The following WDR87 variants were observed in gnomAD, a reference collection of about 807,000 sequenced individuals.
The protein encoded by WDR87 is WD repeat-containing protein 87.
WDR87 carries 56 observed loss-of-function variants against 83.3 expected under a neutral mutation model. The observed-to-expected ratio is 0.67, with a 90% CI of 0.54 to 0.84. The LOEUF is 0.84. Ranked by LOEUF, WDR87 falls within the 40% of genes least tolerant of loss-of-function variation. WDR87 has a pLI of 0.00. For missense variants in WDR87, 2,939 were observed against 3,431.9 expected, an observed-to-expected ratio of 0.86 and a Z score of 3.59; for synonymous variants, 1,173 against 1,250.6, an observed-to-expected ratio of 0.94 and a Z score of 1.31.
intron 1 of WDR87, 150 bp from the exon 2 acceptor site, chr19:37,898,435 T>A: frequency 9.6e-7 from 1 of 1,038,648 alleles, no homozygotes; most frequent in Non-Finnish European, 1.3e-6. Flanking sequence ...TCATCCACTC[T>A]ACAGCCCAGT....
At position 37,889,807 on chromosome 19, in the gene WDR87, A is replaced by G. The variant is rs758370254; in HGVS notation, c.3864T>C (p.Leu1288=). 5.2e-6 allele frequency: 8 copies of G among 1,551,614 alleles called. No homozygotes were observed. The African/African-American group carries it at 8.2e-5, about 16-fold the overall frequency. ...GGGAACCAGATATCCTCAGGGCCATAAGACGACATAGATCGTCCCTCCATG... is the reference window on the plus strand; with the variant it reads ...GGGAACCAGATATCCTCAGGGCCATGAGACGACATAGATCGTCCCTCCATG... ...GSSWRDDLCR[L]MALRISGSQT... Residue 1288 remains leucine, a synonymous_variant, in exon 6 of 6, where the codon CTT becomes CTC. Transcript: ENST00000447313.
chr19:37,888,748 A>G lies in WDR87; in HGVS notation c.4923T>C (p.Leu1641=), dbSNP rs2046175146. Residue 1641 remains leucine (L), a synonymous_variant, in exon 6 of 6, where the codon CTT becomes CTC. Transcript: ENST00000447313. ...GGGCCAACTGTCTCTCTTCTTGTGC[A>G]AGTTTCTCTTCTTCTTGTGCTAATT... is the stretch of plus-strand genomic sequence containing the variant. ...ERKLAQEEEK[L]AQEERQLAQE... is the part of the protein sequence containing the mutation. 1.3e-6 allele frequency: 2 copies of G among 1,550,410 alleles called. No individual in the cohort carries two copies. The highest frequency in any genetic ancestry group is 2.8e-5 in the African/African-American group (2 of 72,480).
Position 37,893,700 on chromosome 19 carries a change from C to T in WDR87, c.2003G>A (p.Ser668Asn). 1 of 1,551,780 alleles carries T rather than the reference C, an allele frequency of 6.4e-7. No homozygotes were observed. The highest frequency in any genetic ancestry group is 8.7e-7 in the Non-Finnish European group (1 of 1,146,996). Reference protein sequence around the residue: ...RGDLLVTFNQSLYLVSCLKLL... With the variant: ...RGDLLVTFNQNLYLVSCLKLL... Reference sequence around the variant, plus strand: ...TTTTAAACAGGACACTAGGTAAAGACTCTGGTTAAAAGTCACAAGCAGGTC... The same window carrying T: ...TTTTAAACAGGACACTAGGTAAAGATTCTGGTTAAAAGTCACAAGCAGGTC... Residue 668 changes from serine to asparagine, a missense_variant, in exon 4 of 6, where the codon AGT becomes AAT. This residue lies in a region of WDR87 where 553 missense variants were observed against 577.9 expected (regional missense o/e 0.96). Transcript: ENST00000447313.
rs751493900 is a variant in WDR87, at chr19:37,890,169, T to C, written c.3502A>G (p.Ile1168Val). The change falls in exon 6 of 6, where the codon ATT (isoleucine) becomes GTT (valine). Residue 1168 changes from isoleucine (I) to valine (V), a missense_variant. By Grantham distance (29) the Ile-to-Val change is conservative. This residue lies in a region of WDR87 where 2,160 missense variants were observed against 2,533.1 expected (regional missense o/e 0.85). Transcript: ENST00000447313. Reference protein sequence around the residue: ...EDESGTEAAPIEMEEASVYSQ... With the variant: ...EDESGTEAAPVEMEEASVYSQ... ...TAGACGGATGCTTCCTCCATCTCAA[T>C]TGGTGCGGCCTCAGTCCCACTTTCA... 5.7e-5 allele frequency: 89 copies of C among 1,551,746 alleles called. No individual in the cohort carries two copies. Among genetic ancestry groups the C allele is most frequent in the Non-Finnish European group, 2.4e-5 (27 of 1,147,052 alleles).
In WDR87 at chr19:37,886,006, T is replaced by C; in HGVS notation, c.7665A>G (p.Gln2555=). ...LPLSQIPAKE[Q]HADVSLSDVE... ...CATCTGAGAGGCTTACGTCTGCATG[T>C]TGTTCCTTAGCTGGGATTTGGGAGA... The change falls in exon 6 of 6, where the codon CAA becomes CAG. Residue 2555 remains glutamine, a synonymous_variant. Transcript: ENST00000447313. 1 of 1,551,904 alleles carries C rather than the reference T, an allele frequency of 6.4e-7. No homozygotes were observed. The highest frequency in any genetic ancestry group is 8.7e-7 in the Non-Finnish European group (1 of 1,147,032).
Position 37,893,461 on chromosome 19 carries a change from G to T in WDR87, c.2242C>A (p.His748Asn), listed in dbSNP as rs1457760499. ...CCTTCCTCATCTTCTTCTATCACATGTGGCACAGAATGGTCAAAGGCAATG... is the reference window on the plus strand; with the variant it reads ...CCTTCCTCATCTTCTTCTATCACATTTGGCACAGAATGGTCAAAGGCAATG... ...RAIAFDHSVP[H>N]VIEEDEEGSP... Residue 748 changes from histidine (H) to asparagine (N), a missense_variant, in exon 4 of 6, where the codon CAT (histidine) becomes AAT (asparagine). Around this residue, in one of 3 missense-constraint regions of WDR87, gnomAD observed 2,160 missense variants for 2,533.1 expected, o/e 0.85. Coordinates refer to ENST00000447313, the MANE Select transcript of WDR87 (RefSeq NM_001291088.2). The T allele has an allele frequency of 6.4e-7, 1 of 1,552,062 alleles. No individual in the cohort carries two copies. The highest frequency in any genetic ancestry group is 1.4e-5 in the African/African-American group (1 of 73,182).
rs908863381 is a variant in WDR87 at position 37,886,161 on chromosome 19, G to A, written c.7510C>T (p.Pro2504Ser). The A allele has an allele frequency of 1.3e-6, 2 of 1,551,542 alleles. No individual in the cohort carries two copies. Among genetic ancestry groups the A allele is most frequent in the African/African-American group, 2.7e-5 (2 of 73,024 alleles). Reference protein sequence around the residue: ...LESQAQDLKTPFMSHILRRTV... With the variant: ...LESQAQDLKTSFMSHILRRTV... Reference sequence around the variant, plus strand: ...CTCCTTAATATGTGGGACATAAATGGGGTCTTTAAGTCCTGTGCTTGGGAC... The same window carrying A: ...CTCCTTAATATGTGGGACATAAATGAGGTCTTTAAGTCCTGTGCTTGGGAC... Residue 2504 changes from proline (P) to serine (S), a missense_variant, in exon 6 of 6, where the codon CCA (proline) becomes TCA (serine). Pro to Ser is a moderately conservative substitution (Grantham distance 74). Around this residue, in one of 3 missense-constraint regions of WDR87, gnomAD observed 2,160 missense variants for 2,533.1 expected, o/e 0.85. Transcript: ENST00000447313.
Position 37,887,857 on chromosome 19 carries a change from C to G in WDR87, c.5814G>C (p.Lys1938Asn). The G allele has an allele frequency of 6.4e-7, 1 of 1,551,412 alleles. No homozygotes were observed. The highest frequency in any genetic ancestry group is 8.7e-7 in the Non-Finnish European group (1 of 1,146,974). ...AQVEEKLTQE[K>N]ETVIKKKEKL... ...TCTCCTTCTTCTTGATCACAGTCTCCTTTTCCTGTGTCAGCTTCTCCTCTA... is the reference window on the plus strand; with the variant it reads ...TCTCCTTCTTCTTGATCACAGTCTCGTTTTCCTGTGTCAGCTTCTCCTCTA... Residue 1938 changes from lysine (K) to asparagine (N), a missense_variant, in exon 6 of 6, where the codon AAG (lysine) becomes AAC (asparagine). This residue lies in a region of WDR87 where 2,160 missense variants were observed against 2,533.1 expected (regional missense o/e 0.85). Transcript: ENST00000447313.
rs770114501 is a variant in WDR87, at chr19:37,888,125, ATCT to A, written c.5543_5545del (p.Lys1848del). The A allele has an allele frequency of 7.1e-6, 11 of 1,550,228 alleles. No homozygotes were observed. The East Asian group carries it at 7.4e-5, about 10-fold the overall frequency. ...TCTTTCCCTTTTTTGGGCCAGTTTCATCTTCTTCTCAATCAATTGCTCCCTTTT... is the reference window on the plus strand; with the variant it reads ...TCTTTCCCTTTTTTGGGCCAGTTTCATCTTCTCAATCAATTGCTCCCTTTT... On this transcript the variant is annotated inframe_deletion, in exon 6 of 6. Coordinates refer to ENST00000447313, the MANE Select transcript of WDR87 (RefSeq NM_001291088.2).
chr19:37,894,627 T>C lies in WDR87; in HGVS notation c.1076A>G (p.Asn359Ser), dbSNP rs1193830581. The change falls in exon 4 of 6, where the codon AAT becomes AGT. Residue 359 changes from asparagine to serine, a missense_variant. Physicochemically the swap from Asn to Ser is conservative, Grantham distance 46. Transcript: ENST00000447313. Reference protein sequence around the residue: ...HRLPCFYSLFNVCGSAPQQLR... With the variant: ...HRLPCFYSLFSVCGSAPQQLR... ...CTGCTGGGGAGCAGAGCCACAGACA[T>C]TGAAGAGGCTGTAGAAGCAGGGCAG... 5.2e-6 allele frequency: 8 copies of C among 1,551,728 alleles called. No individual in the cohort carries two copies. Among genetic ancestry groups the C allele is most frequent in the South Asian group, 4.8e-5 (4 of 84,064 alleles).
chr19:37,885,265 A>T lies in WDR87; in HGVS notation c.8406T>A (p.Leu2802=). 1.3e-6 allele frequency: 2 copies of T among 1,526,248 alleles called. No homozygotes were observed. Among genetic ancestry groups the T allele is most frequent in the East Asian group, 2.5e-5 (1 of 40,728 alleles). The allele number at this position is 1,526,248 out of a possible 1,614,324, so 94.5% of individuals were successfully genotyped here. A position where few individuals can be genotyped will look rare whatever the true frequency, so the allele number is the denominator to read the frequency against. The stretch of plus-strand genomic sequence containing the variant: ...GCAGCTTCTGGATTCTGGGGGACTT[A>T]AGTTGGTACAGGTCCATGAGCTGGT... ...QFYQLMDLYQ[L]KSPRIQKLLQ... The change falls in exon 6 of 6, where the codon CTT becomes CTA. Residue 2802 remains leucine, a synonymous_variant. Coordinates refer to ENST00000447313, the MANE Select transcript of WDR87 (RefSeq NM_001291088.2).
rs2046129251 is a variant in WDR87, at chr19:37,884,958, T to C, written c.8713A>G (p.Thr2905Ala). Reference protein sequence around the residue: ...EADLHLTKALTHTVAPTL With the variant: ...EADLHLTKALAHTVAPTL ...TAGAGAGTGGGAGCAACGGTGTGTG[T>C]CAGTGCCTTGGTGAGATGAAGATCA... The change falls in exon 6 of 6, where the codon ACA becomes GCA. Residue 2905 changes from threonine (T) to alanine (A), a missense_variant. Around this residue, in one of 3 missense-constraint regions of WDR87, gnomAD observed 2,160 missense variants for 2,533.1 expected, o/e 0.85. Coordinates refer to ENST00000447313, the MANE Select transcript of WDR87 (RefSeq NM_001291088.2). 1 of 1,347,624 alleles carries C rather than the reference T, an allele frequency of 7.4e-7. No homozygotes were observed. The highest frequency in any genetic ancestry group is 3.5e-5 in the Admixed American group (1 of 28,932). 83.5% of individuals were successfully genotyped at this position (1,347,624 alleles called of 1,614,324 possible).
At position 37,884,982 on chromosome 19, in the gene WDR87, C is replaced by G. The variant is rs952504270; in HGVS notation, c.8689G>C (p.Asp2897His). 1 of 1,384,098 alleles carries G rather than the reference C, an allele frequency of 7.2e-7. No individual in the cohort carries two copies. The highest frequency in any genetic ancestry group is 9.4e-7 in the Non-Finnish European group (1 of 1,064,294). The allele number at this position is 1,384,098 out of a possible 1,614,324, so 85.7% of individuals were successfully genotyped here. ...ELAWKSLPEA[D>H]LHLTKALTHT... ...GTCAGTGCCTTGGTGAGATGAAGAT[C>G]AGCTTCAGGCAGGCTCTTCCAGGCA... Residue 2897 changes from aspartate (D) to histidine (H), a missense_variant, in exon 6 of 6, where the codon GAT becomes CAT. Asp to His is a moderately conservative substitution (Grantham distance 81). Transcript: ENST00000447313.
At chr19:37,904,193 C>T (rs539826571) in intron 1 of WDR87, among the ~76,000 whole-genome samples, 5 of 151,990 alleles carry the variant, frequency 3.3e-5, no homozygotes, top group South Asian at 2.1e-4. Flanking sequence ...TGAGCCACTG[C>T]GCCCGGCCAT....
At position 37,892,668 on chromosome 19, in the gene WDR87, T is replaced by G; in HGVS notation, c.3035A>C (p.Lys1012Thr). ...AATCTCAGCCATGAGGCTTAGGGTC[T>G]TGATCCTCACTCTTTCATCCTTGTC... Reference protein sequence around the residue: ...LMDKDERVRIKTLSLMAEIGI... With the variant: ...LMDKDERVRITTLSLMAEIGI... Residue 1012 changes from lysine to threonine, a missense_variant, in exon 4 of 6, where the codon AAG becomes ACG. This residue lies in a region of WDR87 where 2,160 missense variants were observed against 2,533.1 expected (regional missense o/e 0.85). Transcript: ENST00000447313. The G allele has an allele frequency of 6.4e-7, 1 of 1,551,764 alleles. No individual in the cohort carries two copies. The highest frequency in any genetic ancestry group is 8.7e-7 in the Non-Finnish European group (1 of 1,146,954).
At position 37,889,853 on chromosome 19, in the gene WDR87, G is replaced by A. The variant is rs1275636748; in HGVS notation, c.3818C>T (p.Ser1273Leu). The A allele has an allele frequency of 1.3e-6, 2 of 1,551,640 alleles. No individual in the cohort carries two copies. Among genetic ancestry groups the A allele is most frequent in the Non-Finnish European group, 1.7e-6 (2 of 1,147,024 alleles). Residue 1273 changes from serine (S) to leucine (L), a missense_variant, in exon 6 of 6, where the codon TCA (serine) becomes TTA (leucine). Ser to Leu is a moderately radical substitution (Grantham distance 145). Coordinates refer to ENST00000447313, the MANE Select transcript of WDR87 (RefSeq NM_001291088.2). ...CCATGATGAGCCATCTCCAGCGGTT[G>A]ACCTGCGGCCAGATATTCCAGAGGC... ...RGASGISGRR[S>L]TAGDGSSWRD...
Position 37,885,558 on chromosome 19 carries a change from A to G in WDR87, c.8113T>C (p.Phe2705Leu), listed in dbSNP as rs1434582505. ...IAHKEMEMQY[F>L]YPATRDIFPS... ...AAAATGTCTCTGGTGGCAGGATAAAAGTATTGCATTTCCATCTCCTTGTGA... is the reference window on the plus strand; with the variant it reads ...AAAATGTCTCTGGTGGCAGGATAAAGGTATTGCATTTCCATCTCCTTGTGA... Residue 2705 changes from phenylalanine to leucine, a missense_variant, in exon 6 of 6, where the codon TTT becomes CTT. By Grantham distance (22) the Phe-to-Leu change is conservative. Transcript: ENST00000447313. 1.3e-6 allele frequency: 2 copies of G among 1,551,598 alleles called. No individual in the cohort carries two copies. The highest frequency in any genetic ancestry group is 1.7e-6 in the Non-Finnish European group (2 of 1,146,998).
rs1408308121 is a variant in WDR87 at position 37,889,293 on chromosome 19, T to G, written c.4378A>C (p.Thr1460Pro). 2.6e-6 allele frequency: 4 copies of G among 1,551,708 alleles called. No homozygotes were observed. The highest frequency in any genetic ancestry group is 1.7e-4 in the Middle Eastern group (1 of 6,016). The change falls in exon 6 of 6, where the codon ACC (threonine) becomes CCC (proline). Residue 1460 changes from threonine (T) to proline (P), a missense_variant. Physicochemically the swap from Thr to Pro is conservative, Grantham distance 38 (BLOSUM62 -1). This residue lies in a region of WDR87 where 2,160 missense variants were observed against 2,533.1 expected (regional missense o/e 0.85). Transcript: ENST00000447313. ...RKVGKIKREM[T>P]KEERDMSEEV... Reference sequence around the variant, plus strand: ...TCACTCATATCCCTCTCTTCTTTGGTCATTTCCCTCTTTATTTTTCCTACT... The same window carrying G: ...TCACTCATATCCCTCTCTTCTTTGGGCATTTCCCTCTTTATTTTTCCTACT...
rs372619666 is a variant in WDR87 at position 37,889,970 on chromosome 19, T to A, written c.3701A>T (p.Lys1234Met). ...AQKLKKKHKK[K>M]GKEAKVINEE... The stretch of plus-strand genomic sequence containing the variant: ...ATTTATAACTTTGGCTTCTTTTCCC[T>A]TCTTTTTGTGCTTCTTTTTGAGTTT... The change falls in exon 6 of 6, where the codon AAG (lysine) becomes ATG (methionine). Residue 1234 changes from lysine (K) to methionine (M), a missense_variant. Physicochemically the swap from Lys to Met is moderately conservative, Grantham distance 95. Transcript: ENST00000447313. 1.0e-5 allele frequency: 16 copies of A among 1,551,608 alleles called. No homozygotes were observed. The highest frequency in any genetic ancestry group is 1.4e-5 in the Non-Finnish European group (16 of 1,147,004).
Sources: gnomAD v4.1 joint callset for allele counts (sites outside exome capture counted in the v4.1 genomes callset) on GRCh38, gnomAD v4.1.1 for gene constraint, gnomAD v4.1.1 regional missense constraint, MANE v1.5 for transcripts, NCBI Gene and HGNC (gene_info 2026-07-23, HGNC 2026-07-21) for gene names.